DLG2: variants seen among roughly 807,000 people sequenced by gnomAD.
The protein encoded by DLG2 is discs large MAGUK scaffold protein 2.
A neutral mutation model predicts 132.5 loss-of-function variants in DLG2; 45 were observed. The ratio of observed to expected loss-of-function variants is 0.34; its 90% CI spans 0.27 to 0.44. The LOEUF (loss-of-function observed/expected upper bound fraction) is 0.44, where lower values mean the gene tolerates loss of function less well. Among genes scored for constraint, DLG2 ranks in the 20% least tolerant of loss-of-function variants. The pLI, the probability that DLG2 is intolerant of heterozygous loss-of-function variation, is 1.00. For missense variants in DLG2, 1,045 were observed against 1,196.9 expected (o/e 0.87, Z 1.87); for synonymous variants, 424 against 419.6 (o/e 1.01, Z -0.13).
At chr11:84,874,748 C>G (rs762312361) in intron 6 of DLG2, among the ~76,000 whole-genome samples, 7 of 152,076 alleles carry the variant, frequency 4.6e-5, no homozygotes, top group Admixed American at 1.3e-4. Flanking sequence ...AGGCCGAGCA[C>G]TGTGGCTCAT....
chr11:84,657,328 G>C (rs1565579161), intron 6 of DLG2, among the ~76,000 whole-genome samples: 2 of 152,128 alleles, frequency 1.3e-5, no homozygotes, highest in Non-Finnish European at 2.9e-5. Flanking sequence ...TTGATGGAAT[G>C]ACTACAGACA....
rs542735456 is a variant in DLG2, at chr11:85,381,030, A to G, written c.41-95665T>C. On this transcript the variant is annotated intron_variant, in intron 3 of 27. Coordinates refer to ENST00000376104, the MANE Select transcript of DLG2 (RefSeq NM_001142699.3). The stretch of plus-strand genomic sequence containing the variant: ...TCCCAGAAAAACTTAGGTAAAAATG[A>G]ATATTTCTCTACTATAAGAAAAGGA... 3.9e-5 allele frequency among the ~76,000 whole-genome samples: 6 copies of G among 152,336 alleles called. 1 individual carries two copies. The highest frequency in any genetic ancestry group is 1.4e-4 in the African/African-American group (6 of 41,582).
At chr11:83,705,158 T>G (rs1566619964) in intron 18 of DLG2, among the ~76,000 whole-genome samples, 1 of 152,234 alleles carries the variant, frequency 6.6e-6, no homozygotes, top group Non-Finnish European at 1.5e-5. Context: ...CAGGTGGGAA[T>G]TAGCTGCAGC....
intron 3 of DLG2, among the ~76,000 whole-genome samples, chr11:85,321,993 A>G (rs2081102994): frequency 6.6e-6 from 1 of 152,042 alleles, no homozygotes; most frequent in Non-Finnish European, 1.5e-5. Flanking sequence ...CAACCAGGAA[A>G]TGTGTGGCAG....
chr11:85,527,281 G>A lies in DLG2; in HGVS notation c.40+71376C>T, dbSNP rs143964152. On this transcript the variant is annotated intron_variant, in intron 3 of 27. Coordinates refer to ENST00000376104, the MANE Select transcript of DLG2 (RefSeq NM_001142699.3). ...GCTATAGTGGTTTGCTGCACCTATCGACCCATCATCTAGGTTTTAAGCCCC... is the reference window on the plus strand; with the variant it reads ...GCTATAGTGGTTTGCTGCACCTATCAACCCATCATCTAGGTTTTAAGCCCC... Among the ~76,000 whole-genome samples the A allele has an allele frequency of 3.4e-4, 52 of 151,126 alleles. 3 individuals are homozygous for A. In the East Asian group the frequency reaches 8.8e-3, roughly 25 times the overall value.
chr11:84,125,550 A>G (rs1361776799), intron 9 of DLG2, among the ~76,000 whole-genome samples: 1 of 152,178 alleles, frequency 6.6e-6, no homozygotes, highest in African/African-American at 2.4e-5. Flanking sequence ...GATGGGGGCA[A>G]GTCAGCTGTA....
chr11:83,588,637 G>A (rs1443091144), intron 19 of DLG2, among the ~76,000 whole-genome samples: 1 of 151,574 alleles, frequency 6.6e-6, no homozygotes, highest in Admixed American at 6.6e-5. Context: ...AAAGCTGGAT[G>A]GAGAATGACT....
chr11:83,765,221 AT>A (rs940949492), intron 18 of DLG2, among the ~76,000 whole-genome samples: 4 of 152,272 alleles, frequency 2.6e-5, no homozygotes, highest in African/African-American at 4.8e-5. Flanking sequence ...TGTTAAAACA[AT>A]TTTTTTAAGC....
chr11:85,541,432 G>A (rs975153367), intron 3 of DLG2, among the ~76,000 whole-genome samples: 7 of 151,226 alleles, frequency 4.6e-5, no homozygotes, highest in Non-Finnish European at 8.8e-5. Context: ...GCCTAAAAAA[G>A]TTAACTTGCC....
intron 14 of DLG2, among the ~76,000 whole-genome samples, chr11:83,944,059 A>G (rs1232834978): frequency 6.6e-6 from 1 of 152,224 alleles, no homozygotes; most frequent in Non-Finnish European, 1.5e-5. Flanking sequence ...TGTGATATGG[A>G]AGATAAAAAT....
chr11:84,715,554 C>A (rs571998879), intron 6 of DLG2, among the ~76,000 whole-genome samples: 1 of 152,240 alleles, frequency 6.6e-6, no homozygotes, highest in East Asian at 1.9e-4. Context: ...TCTCCCATAA[C>A]CACCATTCTA....
At chr11:84,652,221 A>T (rs2099682893) in intron 6 of DLG2, among the ~76,000 whole-genome samples, 1 of 152,178 alleles carries the variant, frequency 6.6e-6, no homozygotes, top group Non-Finnish European at 1.5e-5. Context: ...AAACTAAGTT[A>T]GACATTTGTG....
chr11:84,062,717 C>T (rs1179523803), intron 10 of DLG2, among the ~76,000 whole-genome samples: 1 of 146,496 alleles, frequency 6.8e-6, no homozygotes, highest in Non-Finnish European at 1.5e-5. Flanking sequence ...TACTCAGACA[C>T]TCAGAGTTGA....
At chr11:84,505,289 T>C (rs1042598762) in intron 7 of DLG2, among the ~76,000 whole-genome samples, 1 of 152,180 alleles carries the variant, frequency 6.6e-6, no homozygotes, top group African/African-American at 2.4e-5. Flanking sequence ...TAGCATTCTA[T>C]GAGCGTATAC....
intron 7 of DLG2, among the ~76,000 whole-genome samples, chr11:84,492,645 C>T (rs11234045): frequency 0.047 from 7,107 of 152,086 alleles, 229 homozygotes; most frequent in South Asian, 0.14. Flanking sequence ...ATGTAAAATG[C>T]GTAGTGCAAC....
intron 6 of DLG2, among the ~76,000 whole-genome samples, chr11:84,848,779 A>C (rs1046930806): frequency 1.3e-5 from 2 of 152,282 alleles, no homozygotes; most frequent in African/African-American, 4.8e-5. Context: ...TTGCATGTGG[A>C]AGGGACATGG....
chr11:83,911,917 G>A (rs1398669696), intron 15 of DLG2, among the ~76,000 whole-genome samples: 1 of 151,056 alleles, frequency 6.6e-6, no homozygotes, highest in African/African-American at 2.4e-5. Flanking sequence ...TTGGTGTTTT[G>A]AAAGCTGTAC....
At chr11:85,287,890 T>A (rs1003603574) in intron 3 of DLG2, among the ~76,000 whole-genome samples, 3 of 152,098 alleles carry the variant, frequency 2.0e-5, no homozygotes, top group South Asian at 2.1e-4. Flanking sequence ...ATGAAAAAAA[T>A]TTTGTAAAGT....
intron 7 of DLG2, among the ~76,000 whole-genome samples, chr11:84,427,121 G>C (rs953640952): frequency 6.6e-6 from 1 of 152,074 alleles, no homozygotes; most frequent in Non-Finnish European, 1.5e-5. Context: ...AGCCCAGGGG[G>C]ATAGTAGAGT....
Sources: allele counts gnomAD v4.1 joint callset (sites outside exome capture counted in the v4.1 genomes callset), GRCh38; gene constraint gnomAD v4.1.1; transcripts MANE v1.5; gene names NCBI Gene and HGNC (gene_info 2026-07-23, HGNC 2026-07-21).